The following EBF1 variants were observed in gnomAD, a reference collection of about 807,000 sequenced individuals.
EBF1 encodes the protein transcription factor COE1.
Under a neutral mutation model 68.4 loss-of-function variants are expected in EBF1, and 10 were observed. That is an observed-to-expected ratio of 0.15 (90% CI 0.09 to 0.25). The LOEUF (loss-of-function observed/expected upper bound fraction) is 0.25, where lower values mean the gene tolerates loss of function less well. Among genes scored for constraint, EBF1 ranks in the 10% least tolerant of loss-of-function variants. The pLI, the probability that EBF1 is intolerant of heterozygous loss-of-function variation, is 1.00. For synonymous variants in EBF1, 298 were observed against 299.8 expected, an observed-to-expected ratio of 0.99 and a Z score of 0.06; for missense variants, 509 against 794.4, an observed-to-expected ratio of 0.64 and a Z score of 4.32.
chr5:158,890,796 G>C (rs7737500), intron 6 of EBF1, among the ~76,000 whole-genome samples: 50,863 of 152,004 alleles, frequency 0.33, 9,053 homozygotes, highest in South Asian at 0.58. Context: ...GAAAGTGTAG[G>C]TTTTCTATTT....
intron 6 of EBF1, among the ~76,000 whole-genome samples, chr5:158,855,105 C>T (rs530014959): frequency 6.6e-6 from 1 of 152,030 alleles, no homozygotes; most frequent in African/African-American, 2.4e-5. Context: ...TCCCCTGCAG[C>T]GAGTTAAAAG....
chr5:159,086,194 T>C (rs762218894), intron 4 of EBF1, among the ~76,000 whole-genome samples: 13 of 152,182 alleles, frequency 8.5e-5, no homozygotes, highest in Non-Finnish European at 1.6e-4. Context: ...TTATATTTTA[T>C]TAAATTTGCT....
At chr5:158,740,068 C>T (rs1038783262) in intron 10 of EBF1, among the ~76,000 whole-genome samples, 1 of 152,110 alleles carries the variant, frequency 6.6e-6, no homozygotes, top group Admixed American at 6.5e-5. Flanking sequence ...ATGAAAAGGT[C>T]GCACAATAAG....
At chr5:158,755,286 C>G (rs189429267) in intron 10 of EBF1, among the ~76,000 whole-genome samples, 2 of 151,932 alleles carry the variant, frequency 1.3e-5, no homozygotes, top group Non-Finnish European at 2.9e-5. Flanking sequence ...CTACCCTGAG[C>G]CCCCTGGCCA....
chr5:158,776,591 A>G (rs1005060112), intron 10 of EBF1, among the ~76,000 whole-genome samples: 1 of 152,136 alleles, frequency 6.6e-6, no homozygotes, highest in Non-Finnish European at 1.5e-5. Context: ...GGAGACAGCT[A>G]CCACTATCCA....
At chr5:158,865,150 T>C (rs1795659480) in intron 6 of EBF1, among the ~76,000 whole-genome samples, 1 of 152,182 alleles carries the variant, frequency 6.6e-6, no homozygotes, top group Non-Finnish European at 1.5e-5. Context: ...CTATTTTAGT[T>C]ATCCACCCCT....
chr5:158,954,759 G>T (rs1816725306), intron 6 of EBF1, among the ~76,000 whole-genome samples: 1 of 152,160 alleles, frequency 6.6e-6, no homozygotes, highest in African/African-American at 2.4e-5. Flanking sequence ...TCTCGCTGAG[G>T]CACTGCCTTT....
chr5:158,702,289 G>T (rs926654639), intron 15 of EBF1, among the ~76,000 whole-genome samples: 1 of 152,034 alleles, frequency 6.6e-6, no homozygotes, highest in Admixed American at 6.5e-5. Context: ...AGGGATGGGT[G>T]TCTGGAGCTT....
chr5:158,708,160 G>A lies in EBF1; in HGVS notation c.1563C>T (p.Ser521=), dbSNP rs1337629635. The A allele has an allele frequency of 1.9e-6, 3 of 1,581,170 alleles. No homozygotes were observed. Among genetic ancestry groups the A allele is most frequent in the Admixed American group, 1.8e-5 (1 of 55,392 alleles). Residue 521 remains serine, a synonymous_variant, in exon 15 of 16, where the codon AGC becomes AGT. Transcript: ENST00000313708. Reference sequence around the variant, plus strand: ...GGCTTGTGGAGGAGGCCATGGTGGGGCTGGATGGCACTACTGAGAGGGGCA... The same window carrying A: ...GGCTTGTGGAGGAGGCCATGGTGGGACTGGATGGCACTACTGAGAGGGGCA... ...ANSPYAIVPS[S]PTMASSTSLP...
At chr5:159,033,704 A>G (rs1486204658) in intron 6 of EBF1, among the ~76,000 whole-genome samples, 1 of 152,228 alleles carries the variant, frequency 6.6e-6, no homozygotes, top group East Asian at 1.9e-4. Context: ...CTGGTAAATA[A>G]TTAATGATTG....
At chr5:158,774,861 T>G (rs1394934865) in intron 10 of EBF1, among the ~76,000 whole-genome samples, 12 of 152,078 alleles carry the variant, frequency 7.9e-5, no homozygotes, top group Non-Finnish European at 2.9e-5. Flanking sequence ...TCAGAAATGA[T>G]GTGATGTCAC....
chr5:158,911,764 G>A (rs893594638), intron 6 of EBF1, among the ~76,000 whole-genome samples: 3 of 152,174 alleles, frequency 2.0e-5, no homozygotes, highest in African/African-American at 7.2e-5. Context: ...ACCACTGTGA[G>A]CTGAGAATCT....
intron 10 of EBF1, 124 bp from the exon 11 acceptor site, chr5:158,731,281 C>T: frequency 1.1e-6 from 1 of 903,082 alleles, no homozygotes; most frequent in Non-Finnish European, 1.7e-6. Context: ...TGAATTGGAT[C>T]ACAAGATGGT....
In EBF1 at chr5:159,040,145, C is replaced by T. The variant is rs187462493; in HGVS notation, c.554+33251G>A. The stretch of plus-strand genomic sequence containing the variant: ...GAGGGGTGCTTGCTTGAGCATCAGC[C>T]AAAACAAAGCTGACCCTGGCCAGTA... On this transcript the variant is annotated intron_variant, in intron 6 of 15. Coordinates refer to ENST00000313708, the MANE Select transcript of EBF1 (RefSeq NM_024007.5). Among the ~76,000 whole-genome samples the T allele has an allele frequency of 6.6e-5, 10 of 152,202 alleles. No homozygotes were observed. The East Asian group carries it at 1.9e-3, about 29-fold the overall frequency.
At chr5:159,038,991 T>C (rs1770648996) in intron 6 of EBF1, among the ~76,000 whole-genome samples, 1 of 152,166 alleles carries the variant, frequency 6.6e-6, no homozygotes, top group South Asian at 2.1e-4. Flanking sequence ...AAGCCTGAGA[T>C]GGAATGTTTA....
chr5:158,880,209 C>T (rs983412470), intron 6 of EBF1, among the ~76,000 whole-genome samples: 1 of 152,172 alleles, frequency 6.6e-6, no homozygotes, highest in African/African-American at 2.4e-5. Flanking sequence ...CCACAAGTTT[C>T]CCACACTCAG....
intron 6 of EBF1, among the ~76,000 whole-genome samples, chr5:159,059,686 T>C (rs1050361725): frequency 2.0e-5 from 3 of 152,248 alleles, no homozygotes; most frequent in African/African-American, 4.8e-5. Flanking sequence ...CAATTACTTG[T>C]ATAGATGTTT....
intron 6 of EBF1, among the ~76,000 whole-genome samples, chr5:158,973,866 C>T (rs1756167351): frequency 6.6e-6 from 1 of 152,160 alleles, no homozygotes; most frequent in South Asian, 2.1e-4. Context: ...CACCTGCATG[C>T]CATCTTCTGG....
At chr5:159,026,287 T>C (rs1020916218) in intron 6 of EBF1, among the ~76,000 whole-genome samples, 1 of 152,214 alleles carries the variant, frequency 6.6e-6, no homozygotes, top group Non-Finnish European at 1.5e-5. Context: ...GACTGTTTTT[T>C]TTTTTAATAT....
Sources: gnomAD v4.1 joint callset for allele counts (sites outside exome capture counted in the v4.1 genomes callset) on GRCh38, gnomAD v4.1.1 for gene constraint, MANE v1.5 for transcripts, NCBI Gene and HGNC (gene_info 2026-07-23, HGNC 2026-07-21) for gene names.